Variants in ARHGAP18 observed in about 807,000 individuals in gnomAD.
ARHGAP18 encodes rho GTPase-activating protein 18.
In ARHGAP18, 67 loss-of-function variants were observed where a neutral mutation model predicts 86.2. The ratio of observed to expected loss-of-function variants is 0.78; its 90% CI spans 0.64 to 0.95. ARHGAP18 has a LOEUF of 0.95. ARHGAP18 is among the 40% of genes least tolerant of loss of function. The pLI, the probability that ARHGAP18 is intolerant of heterozygous loss-of-function variation, is 0.00. For missense variants in ARHGAP18, 691 were observed against 780.4 expected, an observed-to-expected ratio of 0.89 and a Z score of 1.37; for synonymous variants, 283 against 280.4, an observed-to-expected ratio of 1.01 and a Z score of -0.09.
chr6:129,610,545 T>A (rs958671895), intron 8 of ARHGAP18, among the ~76,000 whole-genome samples: 3 of 152,126 alleles, frequency 2.0e-5, no homozygotes. Context: ...GTTGAGAGTG[T>A]CTCGTCTGGC....
intron 5 of ARHGAP18, among the ~76,000 whole-genome samples, chr6:129,620,848 G>A (rs569845246): frequency 5.3e-5 from 8 of 152,248 alleles, no homozygotes; most frequent in African/African-American, 1.9e-4. Flanking sequence ...TTAGTAATGA[G>A]GCATTATTTT....
chr6:129,635,288 C>T (rs1043921690), intron 3 of ARHGAP18, among the ~76,000 whole-genome samples: 1 of 152,176 alleles, frequency 6.6e-6, no homozygotes, highest in Admixed American at 6.5e-5. Context: ...TCATCCTCCA[C>T]CTGAAGTCTA....
intron 2 of ARHGAP18, among the ~76,000 whole-genome samples, chr6:129,640,988 G>T (rs913960570): frequency 2.0e-5 from 3 of 152,132 alleles, no homozygotes; most frequent in Admixed American, 6.5e-5. Flanking sequence ...AAATATTATA[G>T]CAGAGAATGG....
In ARHGAP18 at chr6:129,608,031, C is replaced by T. The variant is rs372831811; in HGVS notation, c.1144G>A (p.Ala382Thr). The T allele has an allele frequency of 8.6e-4, 1,067 of 1,239,154 alleles. 11 individuals carry two copies. In the South Asian group the frequency reaches 0.013, roughly 15 times the overall value. 76.8% of individuals were successfully genotyped at this position (1,239,154 alleles called of 1,614,324 possible). ...RIKNLCQELE[A>T]KFYEGTFNWE... ...TTAAAAGTCCCTTCATAAAACTTTG[C>T]TTCTAGTTCTTGGCAAAGATTCTGA... The change falls in exon 9 of 15, where the codon GCA (alanine) becomes ACA (threonine). Residue 382 changes from alanine (A) to threonine (T), a missense_variant. Ala to Thr is a moderately conservative substitution (Grantham distance 58, BLOSUM62 0). Transcript: ENST00000368149.
rs1788189107 is a variant in ARHGAP18, at chr6:129,576,948, G to A, written c.*1565C>T. 6.6e-6 allele frequency: 1 copy of A among 151,838 alleles called. No individual in the cohort carries two copies. The highest frequency in any genetic ancestry group is 2.4e-5 in the African/African-American group (1 of 41,350). The allele number at this position is 151,838 out of a possible 1,614,324, so 9.4% of individuals were successfully genotyped here. A position where few individuals can be genotyped will look rare whatever the true frequency, so the allele number is the denominator to read the frequency against. On this transcript the variant is annotated 3_prime_UTR_variant, in exon 15 of 15. Transcript: ENST00000368149. ...AAGACGAAAACATATTTACATCTCT[G>A]ACATCTTCCTACTTTAAAAATTACA...
chr6:129,669,403 A>C (rs1283733259), intron 1 of ARHGAP18, among the ~76,000 whole-genome samples: 1 of 151,570 alleles, frequency 6.6e-6, no homozygotes, highest in African/African-American at 2.4e-5. Context: ...CGATCTCCTG[A>C]TCTTGTAATC....
chr6:129,703,053 G>A (rs999671002), intron 1 of ARHGAP18, among the ~76,000 whole-genome samples: 3 of 152,176 alleles, frequency 2.0e-5, no homozygotes, highest in African/African-American at 7.2e-5. Flanking sequence ...GACAGCCACA[G>A]GGCATGGACC....
chr6:129,657,987 C>T (rs1271383194), intron 1 of ARHGAP18, among the ~76,000 whole-genome samples: 1 of 152,176 alleles, frequency 6.6e-6, no homozygotes, highest in Non-Finnish European at 1.5e-5. Flanking sequence ...GTGTTGTCAT[C>T]ATTTTTAGCC....
chr6:129,649,914 G>GTTTTT (rs374087104), intron 1 of ARHGAP18, among the ~76,000 whole-genome samples: 3 of 129,164 alleles, frequency 2.3e-5, no homozygotes, highest in African/African-American at 8.7e-5. Context: ...CTTTTTTTTT[G>GTTTTT]TTTTTTTTTT....
intron 1 of ARHGAP18, among the ~76,000 whole-genome samples, chr6:129,690,774 T>C (rs10872345): frequency 0.27 from 41,200 of 152,072 alleles, 6,499 homozygotes; most frequent in African/African-American, 0.41. Flanking sequence ...AGAAGATTCA[T>C]GTGAGACCAA....
intron 8 of ARHGAP18, among the ~76,000 whole-genome samples, chr6:129,610,179 A>G (rs1321407631): frequency 6.6e-6 from 1 of 152,224 alleles, no homozygotes; most frequent in Non-Finnish European, 1.5e-5. Context: ...AAGATAGGGT[A>G]AAAGTTAGTA....
intron 5 of ARHGAP18, 128 bp downstream of exon 5, chr6:129,629,223 CTG>C: frequency 1.2e-6 from 1 of 818,654 alleles, no homozygotes; most frequent in Non-Finnish European, 1.7e-6. Context: ...ATCTTTCTCT[CTG>C]TCTGTCTGTC....
chr6:129,577,170 A>G lies in ARHGAP18; in HGVS notation c.*1343T>C, dbSNP rs1374164935. 6.6e-6 allele frequency: 1 copy of G among 152,198 alleles called. No homozygotes were observed. Among genetic ancestry groups the G allele is most frequent in the East Asian group, 1.9e-4 (1 of 5,192 alleles). The allele number at this position is 152,198 out of a possible 1,614,324, so 9.4% of individuals were successfully genotyped here. A position where few individuals can be genotyped will look rare whatever the true frequency, so the allele number is the denominator to read the frequency against. ...CAATGGCACGAATCACCACAAAATC[A>G]TTTAAGTGATCATATCCACAGGCTG... On this transcript the variant is annotated 3_prime_UTR_variant, in exon 15 of 15. Transcript: ENST00000368149.
chr6:129,583,852 A>C, intron 13 of ARHGAP18, 136 bp downstream of exon 13: 1 of 1,113,214 alleles, frequency 9.0e-7, no homozygotes, highest in Non-Finnish European at 1.3e-6. Context: ...CTGGGAAGAC[A>C]ATATTTTTAA....
At chr6:129,605,782 T>C (rs1788839883) in intron 10 of ARHGAP18, 95 bp downstream of exon 10, 1 of 1,120,408 alleles carries the variant, frequency 8.9e-7, no homozygotes, top group Non-Finnish European at 1.3e-6. Flanking sequence ...TTTATGACCA[T>C]GTCCAAGATA....
chr6:129,651,986 C>T (rs758416449), intron 1 of ARHGAP18, among the ~76,000 whole-genome samples: 21 of 152,226 alleles, frequency 1.4e-4, no homozygotes, highest in African/African-American at 5.1e-4. Context: ...GAGAAGGTGC[C>T]ATCCGTGAGA....
chr6:129,629,440 C>T lies in ARHGAP18; in HGVS notation c.699G>A (p.Glu233=). ...TGAGTGCTTGCTCGGCAAATGATAC[C>T]TCCAGGTTGATGTCTGTTTCAGGGG... The part of the protein sequence containing the change: ...TPAPETDINL[E]VSFAEQALNQ... The change falls in exon 5 of 15, where the codon GAG becomes GAA. Residue 233 remains glutamate (E), a synonymous_variant. Coordinates refer to ENST00000368149, the MANE Select transcript of ARHGAP18 (RefSeq NM_033515.3). 1 of 1,613,848 alleles carries T rather than the reference C, an allele frequency of 6.2e-7. No individual in the cohort carries two copies. Among genetic ancestry groups the T allele is most frequent in the Non-Finnish European group, 8.5e-7 (1 of 1,179,940 alleles).
intron 2 of ARHGAP18, among the ~76,000 whole-genome samples, chr6:129,640,070 A>T (rs1165388855): frequency 6.7e-6 from 1 of 150,314 alleles, no homozygotes; most frequent in East Asian, 1.9e-4. Flanking sequence ...AAAAACAAAC[A>T]AAAGTCAGCC....
At chr6:129,624,999 TA>T (rs1236713826) in intron 5 of ARHGAP18, among the ~76,000 whole-genome samples, 8 of 101,532 alleles carry the variant, frequency 7.9e-5, no homozygotes, top group African/African-American at 2.8e-4. Context: ...TTATATATGA[TA>T]TATATTTATA....
Sources: gnomAD v4.1 joint callset for allele counts (sites outside exome capture counted in the v4.1 genomes callset) on GRCh38, gnomAD v4.1.1 for gene constraint, MANE v1.5 for transcripts, NCBI Gene and HGNC (gene_info 2026-07-23, HGNC 2026-07-21) for gene names.